The following SHB variants were observed in gnomAD, a reference collection of about 807,000 sequenced individuals.
SHB encodes the protein SH2 domain-containing adapter protein B.
SHB carries 20 observed loss-of-function variants against 52.3 expected under a neutral mutation model. The ratio of observed to expected loss-of-function variants is 0.38; its 90% CI spans 0.27 to 0.56. The LOEUF (loss-of-function observed/expected upper bound fraction) is 0.56. Among genes scored for constraint, SHB ranks in the 20% least tolerant of loss-of-function variants. The pLI is 0.71. For synonymous variants in SHB, 397 were observed against 316.5 expected (o/e 1.25, Z -2.70); for missense variants, 825 against 723.3 (o/e 1.14, Z -1.61).
intron 3 of SHB, among the ~76,000 whole-genome samples, chr9:37,963,618 T>G (rs1225677537): frequency 6.6e-6 from 1 of 151,954 alleles, no homozygotes; most frequent in African/African-American, 2.4e-5. Context: ...TCTGGGGTGT[T>G]GGTGAGGGGG....
intron 5 of SHB, among the ~76,000 whole-genome samples, chr9:37,931,999 T>A (rs1832315875): frequency 6.6e-6 from 1 of 152,080 alleles, no homozygotes; most frequent in South Asian, 2.1e-4. Context: ...ATATTGTATA[T>A]GGCCTGGTGT....
intron 1 of SHB, among the ~76,000 whole-genome samples, chr9:38,061,481 C>T (rs1821891456): frequency 6.6e-6 from 1 of 152,214 alleles, no homozygotes; most frequent in East Asian, 1.9e-4. Context: ...ACCCATTCCC[C>T]ACAGGCCACC....
chr9:37,949,890 C>T (rs1179175775), intron 4 of SHB, among the ~76,000 whole-genome samples: 3 of 152,166 alleles, frequency 2.0e-5, no homozygotes, highest in African/African-American at 7.2e-5. Flanking sequence ...GTGCAGAGGG[C>T]CCGACTCATC....
intron 4 of SHB, among the ~76,000 whole-genome samples, chr9:37,954,153 G>C (rs746858261): frequency 6.6e-6 from 1 of 152,214 alleles, no homozygotes; most frequent in Non-Finnish European, 1.5e-5. Context: ...CCTGTCAGAC[G>C]ATCTGCATGG....
chr9:38,020,528 CTTTTGTTTTCTTCCCTGG>C (rs1821268400), intron 1 of SHB, among the ~76,000 whole-genome samples: 1 of 152,216 alleles, frequency 6.6e-6, no homozygotes, highest in African/African-American at 2.4e-5. Flanking sequence ...ACATGCAGCT[CTTTTGTTTTCTTCCCTGG>C]TGGTCAACTG....
chr9:37,954,477 TGGAGGAGAGG>T (rs1004214223), intron 4 of SHB, among the ~76,000 whole-genome samples: 1 of 136,158 alleles, frequency 7.3e-6, no homozygotes, highest in African/African-American at 2.8e-5. Flanking sequence ...AAAGAGTAAG[TGGAGGAGAGG>T]GGAGGGGAGA....
At chr9:37,946,666 C>T (rs1587204889) in intron 5 of SHB, among the ~76,000 whole-genome samples, 1 of 152,200 alleles carries the variant, frequency 6.6e-6, no homozygotes, top group Non-Finnish European at 1.5e-5. Flanking sequence ...TGATGGGGCT[C>T]TGGTCCTCTA....
intron 1 of SHB, among the ~76,000 whole-genome samples, chr9:38,061,863 A>T (rs1821897430): frequency 6.6e-6 from 1 of 152,256 alleles, no homozygotes; most frequent in African/African-American, 2.4e-5. Flanking sequence ...GAATGAGAAG[A>T]CATGACAGTT....
chr9:38,046,881 G>A (rs553908167), intron 1 of SHB, among the ~76,000 whole-genome samples: 2 of 152,338 alleles, frequency 1.3e-5, no homozygotes, highest in African/African-American at 2.4e-5. Context: ...AGGAACCTGC[G>A]GTCTGGAGAG....
At chr9:38,011,925 G>T (rs1312430468) in intron 2 of SHB, among the ~76,000 whole-genome samples, 1 of 152,168 alleles carries the variant, frequency 6.6e-6, no homozygotes, top group African/African-American at 2.4e-5. Flanking sequence ...GATGGGGATG[G>T]CAAGTGAGGC....
At chr9:37,974,937 G>A (rs147704922) in intron 2 of SHB, 100 bp from the exon 3 acceptor site, 22 of 1,026,066 alleles carry the variant, frequency 2.1e-5, no homozygotes, top group Middle Eastern at 2.6e-4. Context: ...TGCCAGCGGG[G>A]AGGTGAGAAC....
intron 2 of SHB, among the ~76,000 whole-genome samples, chr9:37,977,446 C>T (rs1043479291): frequency 2.0e-5 from 3 of 152,158 alleles, no homozygotes; most frequent in African/African-American, 7.2e-5. Flanking sequence ...CTCAGGGCAC[C>T]TAATATCACA....
At chr9:38,013,721 G>A (rs1821173188) in intron 2 of SHB, among the ~76,000 whole-genome samples, 1 of 152,166 alleles carries the variant, frequency 6.6e-6, no homozygotes, top group African/African-American at 2.4e-5. Context: ...CCAGGCAGGG[G>A]CAAACCCTCC....
chr9:37,979,105 C>A (rs1278462916), intron 2 of SHB, among the ~76,000 whole-genome samples: 1 of 152,184 alleles, frequency 6.6e-6, no homozygotes, highest in Non-Finnish European at 1.5e-5. Context: ...ATTAGCTGGG[C>A]CAATCCATGA....
chr9:37,954,930 C>A (rs1832611224), intron 4 of SHB, among the ~76,000 whole-genome samples: 1 of 151,970 alleles, frequency 6.6e-6, no homozygotes, highest in South Asian at 2.1e-4. Flanking sequence ...CTGCACAGTG[C>A]TGGGGGGCAG....
intron 2 of SHB, among the ~76,000 whole-genome samples, chr9:38,004,376 T>C (rs1333464876): frequency 6.6e-6 from 1 of 152,036 alleles, no homozygotes; most frequent in Non-Finnish European, 1.5e-5. Context: ...TGCTGGGGGC[T>C]GCGTGGGACT....
At chr9:37,961,869 G>A (rs1832695434) in intron 3 of SHB, among the ~76,000 whole-genome samples, 2 of 152,198 alleles carry the variant, frequency 1.3e-5, no homozygotes, top group South Asian at 4.1e-4. Flanking sequence ...CTCAGAATTG[G>A]ACACTTTGCA....
chr9:37,920,254 C>T (rs144294978), intron 5 of SHB, among the ~76,000 whole-genome samples: 4 of 152,052 alleles, frequency 2.6e-5, no homozygotes, highest in Admixed American at 6.5e-5. Context: ...CAACACTGAG[C>T]GCTTCTAGGG....
intron 4 of SHB, among the ~76,000 whole-genome samples, chr9:37,953,861 T>G (rs900336734): frequency 6.6e-6 from 1 of 152,162 alleles, no homozygotes; most frequent in Admixed American, 6.5e-5. Context: ...GACTTCTGAC[T>G]CATCTTGGGG....
Sources: gnomAD v4.1 joint callset for allele counts (sites outside exome capture counted in the v4.1 genomes callset) on GRCh38, gnomAD v4.1.1 for gene constraint, MANE v1.5 for transcripts, NCBI Gene and HGNC (gene_info 2026-07-23, HGNC 2026-07-21) for gene names.